The following PCNX2 variants were observed in gnomAD, a reference collection of about 807,000 sequenced individuals.
PCNX2 encodes pecanex 2.
A neutral mutation model predicts 223.8 loss-of-function variants in PCNX2; 168 were observed. The observed-to-expected ratio is 0.75, with a 90% CI of 0.66 to 0.85. PCNX2 has a LOEUF of 0.85. Ranked by LOEUF, PCNX2 falls within the 40% of genes least tolerant of loss-of-function variation. The probability of loss-of-function intolerance (pLI) is 0.00; values close to 1 mark genes in which losing one functional copy is unlikely to be tolerated. For synonymous variants in PCNX2, 1,006 were observed against 1,052.6 expected (o/e 0.96, Z 0.86); for missense variants, 2,507 against 2,675.5 (o/e 0.94, Z 1.39).
chr1:233,120,292 T>C (rs147846609), intron 21 of PCNX2, among the ~76,000 whole-genome samples: 8 of 151,574 alleles, frequency 5.3e-5, no homozygotes, highest in African/African-American at 1.9e-4. Context: ...AAAAACTGTA[T>C]GAAGCCAGTT....
chr1:233,172,152 CTG>C (rs528744853), intron 17 of PCNX2, among the ~76,000 whole-genome samples: 4 of 152,194 alleles, frequency 2.6e-5, no homozygotes, highest in Non-Finnish European at 5.9e-5. Context: ...GTTTTAAAAT[CTG>C]TGTCTGATAC....
At chr1:233,111,160 TG>T (rs1675091653) in intron 21 of PCNX2, among the ~76,000 whole-genome samples, 1 of 152,188 alleles carries the variant, frequency 6.6e-6, no homozygotes, top group South Asian at 2.1e-4. Flanking sequence ...GAATGGGCAC[TG>T]GAGTCAGACC....
At chr1:233,260,200 G>A (rs1659974334) in intron 4 of PCNX2, among the ~76,000 whole-genome samples, 1 of 152,142 alleles carries the variant, frequency 6.6e-6, no homozygotes, top group South Asian at 2.1e-4. Flanking sequence ...TTAGTAGCCA[G>A]GTATGGGTTT....
At chr1:233,302,304 T>C in the PCNX2 span, among the ~76,000 whole-genome samples, 1 of 152,146 alleles carries the variant, frequency 6.6e-6, no homozygotes, top group East Asian at 1.9e-4. Context: ...TTTGTTCATT[T>C]GACTTTATTG....
At chr1:233,036,378 C>A (rs1248514901) in intron 25 of PCNX2, among the ~76,000 whole-genome samples, 5 of 152,142 alleles carry the variant, frequency 3.3e-5, no homozygotes, top group Admixed American at 3.3e-4. Flanking sequence ...TGCCTGTAAT[C>A]CCAGCACTTT....
chr1:233,137,287 TGTGA>T (rs1480907465), intron 20 of PCNX2, among the ~76,000 whole-genome samples: 6 of 152,046 alleles, frequency 3.9e-5, no homozygotes, highest in Admixed American at 2.0e-4. Flanking sequence ...CATGGTCCAG[TGTGA>T]GTGAGTGTGA....
At chr1:233,249,388 C>A (rs1427308462) in intron 8 of PCNX2, among the ~76,000 whole-genome samples, 2 of 152,246 alleles carry the variant, frequency 1.3e-5, no homozygotes, top group African/African-American at 4.8e-5. Flanking sequence ...AAGCTGCGTT[C>A]TCATGCAATT....
At chr1:233,006,088 A>C (rs144812996) in intron 28 of PCNX2, among the ~76,000 whole-genome samples, 5 of 152,266 alleles carry the variant, frequency 3.3e-5, no homozygotes, top group Admixed American at 1.3e-4. Context: ...GTCCACACAT[A>C]GAAGACCAAA....
At position 233,134,657 on chromosome 1, in the gene PCNX2, C is replaced by CGGAG. The variant is rs768537505; in HGVS notation, c.3837+352_3837+355dup. 4 of 282,598 alleles carry CGGAG rather than the reference C, an allele frequency of 1.4e-5. No homozygotes were observed. In the South Asian group the frequency reaches 3.5e-4, roughly 25 times the overall value. The allele number at this position is 282,598 out of a possible 1,614,324, so 17.5% of individuals were successfully genotyped here. On this transcript the variant is annotated intron_variant, in intron 21 of 33. Coordinates refer to ENST00000258229, the MANE Select transcript of PCNX2 (RefSeq NM_014801.4). ...AGGGAGGGAGACAGGGAGGGAGAGA[C>CGGAG]GGAGGGAGGGAGGGAGAGACCAGTG...
At chr1:233,086,866 C>G (rs1158053780) in intron 23 of PCNX2, 1 of 247,198 alleles carries the variant, frequency 4.0e-6, no homozygotes, top group Non-Finnish European at 6.5e-6. Context: ...CCGTTTTCCT[C>G]AGGCACAATG....
chr1:233,315,558 C>A, the PCNX2 span, among the ~76,000 whole-genome samples: 1 of 152,126 alleles, frequency 6.6e-6, no homozygotes, highest in African/African-American at 2.4e-5. Context: ...GTAAGTTCAG[C>A]TTTTAATGAA....
chr1:233,309,538 C>CAA, the PCNX2 span, among the ~76,000 whole-genome samples: 888 of 141,540 alleles, frequency 6.3e-3, 10 homozygotes, highest in African/African-American at 0.017. Flanking sequence ...GAGACTCCCT[C>CAA]AAAAAAATAA....
rs1314962616 is a variant in PCNX2 at position 233,294,076 on chromosome 1, A to T, written c.153+1250T>A. On this transcript the variant is annotated intron_variant, in intron 1 of 33. Transcript: ENST00000258229. ...TGGTTAATTTTTCTGTGAAGTGGTG[A>T]TTGTGATGATCACATCCGTTTTAAT... is the stretch of plus-strand genomic sequence containing the variant. The T allele has an allele frequency of 6.2e-6, 5 of 806,286 alleles. No individual in the cohort carries two copies. In the East Asian group the frequency reaches 6.3e-4, roughly 102 times the overall value. 49.9% of individuals were successfully genotyped at this position (806,286 alleles called of 1,614,324 possible). A position where few individuals can be genotyped will look rare whatever the true frequency, so the allele number is the denominator to read the frequency against.
chr1:233,208,504 C>T lies in PCNX2; in HGVS notation c.2863+14G>A, dbSNP rs1681618860. 1 of 1,608,054 alleles carries T rather than the reference C, an allele frequency of 6.2e-7. No individual in the cohort carries two copies. The highest frequency in any genetic ancestry group is 8.5e-7 in the Non-Finnish European group (1 of 1,175,554). On this transcript the variant is annotated intron_variant, in intron 13 of 33. Transcript: ENST00000258229. ...ACCCCCATATTCTTCCCCACAACCC[C>T]ATAATTAACTCACCTATTAAGTAGT...
intron 13 of PCNX2, among the ~76,000 whole-genome samples, chr1:233,206,868 G>A (rs529366448): frequency 2.4e-4 from 36 of 151,926 alleles, no homozygotes; most frequent in African/African-American, 7.7e-4. Flanking sequence ...AAAATTAGCC[G>A]GGCATGGTGG....
chr1:233,039,923 T>G (rs1418143196), intron 25 of PCNX2, among the ~76,000 whole-genome samples: 1 of 152,244 alleles, frequency 6.6e-6, no homozygotes. Flanking sequence ...AAGTAATCTC[T>G]ATTATTTTTT....
At chr1:233,296,137 A>G (rs531502282), upstream of PCNX2, among the ~76,000 whole-genome samples, 1 of 151,768 alleles carries the variant, frequency 6.6e-6, no homozygotes, top group South Asian at 2.1e-4. Flanking sequence ...TTTGCACCCA[A>G]GTATTTACCT....
intron 23 of PCNX2, among the ~76,000 whole-genome samples, chr1:233,058,726 T>C (rs988749055): frequency 1.9e-4 from 28 of 144,776 alleles, no homozygotes; most frequent in African/African-American, 7.4e-4. Flanking sequence ...AGTGCAGCAG[T>C]GCAATCTCGG....
At chr1:233,289,466 C>T (rs1342625751) in intron 1 of PCNX2, 5 of 1,108,882 alleles carry the variant, frequency 4.5e-6, no homozygotes, top group African/African-American at 3.1e-5. Context: ...CCTGGGAGAA[C>T]TTGCCGAGCG....
Sources: allele counts gnomAD v4.1 joint callset (sites outside exome capture counted in the v4.1 genomes callset), GRCh38; gene constraint gnomAD v4.1.1; transcripts MANE v1.5; gene names NCBI Gene and HGNC (gene_info 2026-07-23, HGNC 2026-07-21).